Variants in CREB5 observed in about 807,000 individuals in gnomAD.
CREB5 encodes the protein cyclic AMP-responsive element-binding protein 5.
In CREB5, 19 loss-of-function variants were observed where a neutral mutation model predicts 57.1. That is an observed-to-expected ratio of 0.33 (90% CI 0.23 to 0.49). The LOEUF is 0.49. Ranked by LOEUF, CREB5 falls within the 20% of genes least tolerant of loss-of-function variation. The pLI is 0.99. For missense variants in CREB5, 579 were observed against 671.6 expected (o/e 0.86, Z 1.52); for synonymous variants, 238 against 238.3 (o/e 1.00, Z 0.01).
At chr7:28,620,509 C>T (rs548642466) in intron 5 of CREB5, among the ~76,000 whole-genome samples, 4 of 152,250 alleles carry the variant, frequency 2.6e-5, no homozygotes, top group African/African-American at 9.6e-5. Flanking sequence ...AAAAGATCAT[C>T]GTTATCTCTG....
intron 1 of CREB5, among the ~76,000 whole-genome samples, chr7:28,487,738 G>T (rs1218306105): frequency 6.6e-6 from 1 of 152,102 alleles, no homozygotes; most frequent in Non-Finnish European, 1.5e-5. Context: ...TTTCATACTG[G>T]CAGTTACCCA....
intron 1 of CREB5, among the ~76,000 whole-genome samples, chr7:28,306,543 TTTGTTTTTTTTG>T (rs1323844895): frequency 0.02 from 1,008 of 50,882 alleles, 44 homozygotes; most frequent in Non-Finnish European, 0.022. Flanking sequence ...CAGATACAGT[TTTGTTTTTTTTG>T]TTTTTTTTTT....
At chr7:28,436,933 G>A (rs79856667) in intron 1 of CREB5, among the ~76,000 whole-genome samples, 1 of 152,228 alleles carries the variant, frequency 6.6e-6, no homozygotes, top group East Asian at 1.9e-4. Context: ...GTAACTGAAA[G>A]GTTGTATTAG....
At chr7:28,779,352 A>T (rs1806840340) in intron 7 of CREB5, 1 of 152,198 alleles carries the variant, frequency 6.6e-6, no homozygotes. Context: ...GGCTCACTGG[A>T]CTTGTTATCT....
intron 1 of CREB5, among the ~76,000 whole-genome samples, chr7:28,475,658 A>G (rs1791041227): frequency 6.6e-6 from 1 of 152,030 alleles, no homozygotes; most frequent in African/African-American, 2.4e-5. Flanking sequence ...CCTCCAGGTA[A>G]ACCTAAAGCA....
At chr7:28,377,929 CT>C (rs1786871395) in intron 1 of CREB5, among the ~76,000 whole-genome samples, 2 of 14,842 alleles carry the variant, frequency 1.3e-4, no homozygotes, top group Non-Finnish European at 2.3e-4. Flanking sequence ...GAGACTCTAT[CT>C]CAAAAAAAAA....
chr7:28,824,280 A>G lies in CREB5; in HGVS notation c.*5001A>G, dbSNP rs1210682305. 6.6e-6 allele frequency: 1 copy of G among 152,620 alleles called. No individual in the cohort carries two copies. The highest frequency in any genetic ancestry group is 6.5e-5 in the Admixed American group (1 of 15,268). 9.5% of individuals were successfully genotyped at this position (152,620 alleles called of 1,614,324 possible). A position where few individuals can be genotyped will look rare whatever the true frequency, so the allele number is the denominator to read the frequency against. ...TTTTTTAAAAATGTTATATTATGCA[A>G]CAGATGTGAGGCAGCAGCTAAGCTA... On this transcript the variant is annotated 3_prime_UTR_variant, in exon 11 of 11. Transcript: ENST00000357727.
intron 1 of CREB5, among the ~76,000 whole-genome samples, chr7:28,322,801 A>G (rs1583671721): frequency 6.6e-6 from 1 of 152,176 alleles, no homozygotes; most frequent in Non-Finnish European, 1.5e-5. Flanking sequence ...TTATGGCTGC[A>G]TAGTATTCCA....
intron 7 of CREB5, among the ~76,000 whole-genome samples, chr7:28,770,166 C>T (rs117955603): frequency 0.021 from 3,184 of 152,214 alleles, 60 homozygotes; most frequent in Non-Finnish European, 0.029. Flanking sequence ...GAAGGGGAGC[C>T]GGTGGAGAAA....
chr7:28,603,849 A>G (rs551452687), intron 5 of CREB5, among the ~76,000 whole-genome samples: 1 of 152,308 alleles, frequency 6.6e-6, no homozygotes, highest in African/African-American at 2.4e-5. Context: ...ACATAAAAGT[A>G]TTCACAGAGG....
rs773534599 is a variant in CREB5, at chr7:28,724,255, A to G, written c.625A>G (p.Met209Val). The change falls in exon 7 of 11, where the codon ATG (methionine) becomes GTG (valine). Residue 209 changes from methionine (M) to valine (V), a missense_variant. By Grantham distance (21) the Met-to-Val change is conservative (BLOSUM62 1). Coordinates refer to ENST00000357727, the MANE Select transcript of CREB5 (RefSeq NM_182898.4). ...ERQMSVNSSI[M>V]GMQGPNLSNP... ...ACAAATGTCAGTGAACTCCAGCATC[A>G]TGGGGATGCAAGGTCCAAATCTCAG... is the stretch of plus-strand genomic sequence containing the variant. 6.2e-6 allele frequency: 10 copies of G among 1,613,494 alleles called. No individual in the cohort carries two copies. Among genetic ancestry groups the G allele is most frequent in the South Asian group, 5.5e-5 (5 of 91,062 alleles).
At chr7:28,414,445 C>A (rs1787947403) in intron 1 of CREB5, among the ~76,000 whole-genome samples, 1 of 152,084 alleles carries the variant, frequency 6.6e-6, no homozygotes, top group Admixed American at 6.6e-5. Flanking sequence ...TCTCTGAATT[C>A]TATTTAAGAA....
intron 5 of CREB5, among the ~76,000 whole-genome samples, chr7:28,646,870 C>T (rs1798909043): frequency 6.6e-6 from 1 of 151,736 alleles, no homozygotes; most frequent in Non-Finnish European, 1.5e-5. Context: ...TAAGTAGCTA[C>T]CAGTACAACA....
chr7:28,560,929 C>CGTGTGCGTGTGTGTGT (rs1795188097), intron 4 of CREB5, among the ~76,000 whole-genome samples: 1 of 30,424 alleles, frequency 3.3e-5, no homozygotes, highest in Non-Finnish European at 5.9e-5. Context: ...TGTGCGCGTG[C>CGTGTGCGTGTGTGTGT]GTGTGTGCGT....
At chr7:28,344,550 C>T (rs1786001755) in intron 1 of CREB5, among the ~76,000 whole-genome samples, 1 of 152,154 alleles carries the variant, frequency 6.6e-6, no homozygotes, top group African/African-American at 2.4e-5. Flanking sequence ...GCTACTACAG[C>T]TTTGTGGTAT....
At chr7:28,639,816 C>G (rs1471326903) in intron 5 of CREB5, among the ~76,000 whole-genome samples, 1 of 152,126 alleles carries the variant, frequency 6.6e-6, no homozygotes, top group Non-Finnish European at 1.5e-5. Context: ...AACTTGAGAC[C>G]AGCAGCAGTG....
chr7:28,748,803 GA>G (rs1415276234), intron 7 of CREB5, among the ~76,000 whole-genome samples: 1 of 152,138 alleles, frequency 6.6e-6, no homozygotes, highest in Non-Finnish European at 1.5e-5. Context: ...TCCAGACAGT[GA>G]GTTTGCAAGC....
chr7:28,443,124 C>T (rs1789275095), intron 1 of CREB5, among the ~76,000 whole-genome samples: 1 of 152,182 alleles, frequency 6.6e-6, no homozygotes, highest in Admixed American at 6.5e-5. Flanking sequence ...TGGATGCTGG[C>T]AGTAGCTATG....
intron 1 of CREB5, among the ~76,000 whole-genome samples, chr7:28,441,955 C>T (rs184608845): frequency 1.4e-4 from 22 of 152,156 alleles, no homozygotes; most frequent in African/African-American, 5.1e-4. Flanking sequence ...TGTAAGTATT[C>T]GAATGCCCTC....
Sources: allele counts gnomAD v4.1 joint callset (sites outside exome capture counted in the v4.1 genomes callset), GRCh38; gene constraint gnomAD v4.1.1; transcripts MANE v1.5; gene names NCBI Gene and HGNC (gene_info 2026-07-23, HGNC 2026-07-21).